The following ARHGEF3 variants were observed in gnomAD, a reference collection of about 807,000 sequenced individuals.
The protein encoded by ARHGEF3 is 59.8 kDA protein.
A neutral mutation model predicts 63.2 loss-of-function variants in ARHGEF3; 28 were observed. That is an observed-to-expected ratio of 0.44 (90% confidence interval 0.33 to 0.61). The LOEUF (loss-of-function observed/expected upper bound fraction) is 0.61, where lower values mean the gene tolerates loss of function less well. Among genes scored for constraint, ARHGEF3 ranks in the 20% least tolerant of loss-of-function variants. The probability of loss-of-function intolerance (pLI) is 0.03; values close to 1 mark genes in which losing one functional copy is unlikely to be tolerated. For synonymous variants in ARHGEF3, 266 were observed against 254.2 expected, an observed-to-expected ratio of 1.05 and a Z score of -0.44; for missense variants, 533 against 659.3, an observed-to-expected ratio of 0.81 and a Z score of 2.10.
intron 4 of ARHGEF3, among the ~76,000 whole-genome samples, chr3:56,820,000 G>C (rs1296078846): frequency 6.6e-6 from 1 of 151,996 alleles, no homozygotes; most frequent in Admixed American, 6.6e-5. Flanking sequence ...TGTAGACATG[G>C]GGTTTCACTA....
rs111426792 is a variant in ARHGEF3, at chr3:56,844,877, T to C, written c.192+37415A>G. 4.0e-3 allele frequency among the ~76,000 whole-genome samples: 602 copies of C among 152,318 alleles called. 7 individuals carry two copies. Among genetic ancestry groups the C allele is most frequent in the African/African-American group, 0.014 (567 of 41,566 alleles). On this transcript the variant is annotated intron_variant, in intron 4 of 12. Coordinates refer to the ARHGEF3 transcript ENST00000338458. ...GTAGGGCCAGAATAGGCTGGCATAC[T>C]GATTTTCTTCTAGCCATATAGAACA...
chr3:56,912,054 T>C (rs1054091470), intron 3 of ARHGEF3, among the ~76,000 whole-genome samples: 6 of 152,150 alleles, frequency 3.9e-5, no homozygotes, highest in African/African-American at 1.4e-4. Context: ...TTTTGAGTTC[T>C]AGTTGATATC....
chr3:56,740,072 G>A (rs2033915039), intron 7 of ARHGEF3, among the ~76,000 whole-genome samples: 1 of 151,828 alleles, frequency 6.6e-6, no homozygotes, highest in African/African-American at 2.4e-5. Flanking sequence ...GCTAATTTTT[G>A]TATTTTTAGT....
chr3:56,808,946 C>T (rs908636519), intron 4 of ARHGEF3, among the ~76,000 whole-genome samples: 20 of 152,252 alleles, frequency 1.3e-4, no homozygotes, highest in Admixed American at 1.2e-3. Flanking sequence ...TATTGAGAAA[C>T]GCTGTGGTAA....
chr3:56,797,160 G>T (rs1309503356), intron 1 of ARHGEF3, among the ~76,000 whole-genome samples: 2 of 152,124 alleles, frequency 1.3e-5, no homozygotes, highest in Non-Finnish European at 1.5e-5. Flanking sequence ...AACAGGTTTG[G>T]AGAGGCACAG....
chr3:56,857,563 A>C (rs899367704), intron 4 of ARHGEF3, among the ~76,000 whole-genome samples: 1 of 152,250 alleles, frequency 6.6e-6, no homozygotes, highest in Non-Finnish European at 1.5e-5. Flanking sequence ...TGAGTCAGTC[A>C]ATCAGGGATT....
chr3:56,764,061 C>A (rs939838299), intron 2 of ARHGEF3, among the ~76,000 whole-genome samples: 8 of 131,714 alleles, frequency 6.1e-5, no homozygotes, highest in African/African-American at 2.0e-4. Context: ...CACATTAAAA[C>A]CATGGTAAAA....
At chr3:56,859,361 G>C (rs150454783) in intron 4 of ARHGEF3, among the ~76,000 whole-genome samples, 3 of 151,736 alleles carry the variant, frequency 2.0e-5, no homozygotes, top group Admixed American at 1.3e-4. Context: ...GGATGGTCTC[G>C]ATCTCCTGAC....
intron 3 of ARHGEF3, among the ~76,000 whole-genome samples, chr3:56,956,494 T>C (rs1469863924): frequency 6.6e-6 from 1 of 152,166 alleles, no homozygotes; most frequent in Non-Finnish European, 1.5e-5. Context: ...ACAGGTTCCT[T>C]TGAGTAACAA....
At chr3:56,827,917 C>G (rs1458295528) in intron 4 of ARHGEF3, among the ~76,000 whole-genome samples, 1 of 125,246 alleles carries the variant, frequency 8.0e-6, no homozygotes, top group African/African-American at 3.1e-5. Context: ...TGCACTCCAG[C>G]CTGGGTGACA....
intron 3 of ARHGEF3, among the ~76,000 whole-genome samples, chr3:56,885,620 T>C (rs1029746865): frequency 6.6e-6 from 1 of 151,962 alleles, no homozygotes; most frequent in African/African-American, 2.4e-5. Context: ...TTCAACACAC[T>C]ACCCAGCTTT....
At chr3:57,024,399 TA>T (rs554083640) in intron 2 of ARHGEF3, among the ~76,000 whole-genome samples, 65 of 147,248 alleles carry the variant, frequency 4.4e-4, no homozygotes, top group African/African-American at 6.2e-4. Context: ...TTGACAATCT[TA>T]AAAAAAAAAA....
At position 57,025,287 on chromosome 3, in the gene ARHGEF3, G is replaced by A. The variant is rs534337157; in HGVS notation, c.62+9801C>T. 2.6e-5 allele frequency among the ~76,000 whole-genome samples: 4 copies of A among 152,356 alleles called. No individual in the cohort carries two copies. In the South Asian group the frequency reaches 8.3e-4, roughly 32 times the overall value. ...GAAGAAGAGTTAGGAGACAGTATTA[G>A]TCATAAAACTTCAGAGCTGTGAAAA... On this transcript the variant is annotated intron_variant, in intron 2 of 12. Transcript: ENST00000338458.
intron 1 of ARHGEF3, among the ~76,000 whole-genome samples, chr3:57,067,427 C>A (rs1010427484): frequency 6.7e-6 from 1 of 150,018 alleles, no homozygotes; most frequent in African/African-American, 2.5e-5. Context: ...TGCACTCCAG[C>A]CTGGGTGACA....
At chr3:56,864,988 G>C (rs1197270559) in intron 4 of ARHGEF3, among the ~76,000 whole-genome samples, 1 of 152,092 alleles carries the variant, frequency 6.6e-6, no homozygotes, top group African/African-American at 2.4e-5. Flanking sequence ...CTTTACTGTG[G>C]TATACTGGGA....
chr3:57,023,772 C>T (rs950786649), intron 2 of ARHGEF3, among the ~76,000 whole-genome samples: 1 of 152,222 alleles, frequency 6.6e-6, no homozygotes, highest in African/African-American at 2.4e-5. Context: ...CATTTTCTGT[C>T]TGCTACTTCC....
chr3:56,749,443 A>G (rs921149991), intron 6 of ARHGEF3, among the ~76,000 whole-genome samples: 2 of 152,234 alleles, frequency 1.3e-5, no homozygotes, highest in Non-Finnish European at 2.9e-5. Context: ...GTAGTCCTGT[A>G]CTGCTGTCTC....
chr3:57,006,041 G>C (rs9681933), intron 2 of ARHGEF3, among the ~76,000 whole-genome samples: 2,706 of 152,216 alleles, frequency 0.018, 87 homozygotes, highest in African/African-American at 0.062. Context: ...CCCACATAAA[G>C]CCTGATGGCC....
chr3:56,836,694 G>T (rs1010122559), intron 4 of ARHGEF3, among the ~76,000 whole-genome samples: 3 of 152,178 alleles, frequency 2.0e-5, no homozygotes, highest in Non-Finnish European at 4.4e-5. Flanking sequence ...GGGAGGCTGA[G>T]GTAGGAGGAT....
Sources: gnomAD v4.1 joint callset for allele counts (sites outside exome capture counted in the v4.1 genomes callset) on GRCh38, gnomAD v4.1.1 for gene constraint, MANE v1.5 for transcripts, NCBI Gene and HGNC (gene_info 2026-07-23, HGNC 2026-07-21) for gene names.